The following ADAM12 variants were observed in gnomAD, a reference collection of about 807,000 sequenced individuals.
ADAM12 encodes the protein disintegrin and metalloproteinase domain-containing protein 12.
ADAM12 carries 70 observed loss-of-function variants against 106.4 expected under a neutral mutation model. The ratio of observed to expected loss-of-function variants is 0.66; its 90% CI spans 0.54 to 0.80. ADAM12 has a LOEUF of 0.80. ADAM12 is among the 30% of genes least tolerant of loss of function. The pLI, the probability that ADAM12 is intolerant of heterozygous loss-of-function variation, is 0.00. For missense variants in ADAM12, 1,010 were observed against 1,171.9 expected, an observed-to-expected ratio of 0.86 and a Z score of 2.02; for synonymous variants, 420 against 433.5, an observed-to-expected ratio of 0.97 and a Z score of 0.39.
chr10:126,275,261 T>C (rs1419316842), intron 3 of ADAM12, among the ~76,000 whole-genome samples: 6 of 152,156 alleles, frequency 3.9e-5, no homozygotes, highest in Non-Finnish European at 8.8e-5. Flanking sequence ...AGAATACCTA[T>C]GTAAGGGATG....
intron 19 of ADAM12, among the ~76,000 whole-genome samples, chr10:126,038,686 A>G (rs1326777719): frequency 6.6e-6 from 1 of 152,206 alleles, no homozygotes; most frequent in African/African-American, 2.4e-5. Context: ...AAAATATTTC[A>G]ATGTCTCCAT....
At chr10:126,310,827 T>A (rs373503434) in intron 2 of ADAM12, among the ~76,000 whole-genome samples, 1 of 152,146 alleles carries the variant, frequency 6.6e-6, no homozygotes, top group Non-Finnish European at 1.5e-5. Flanking sequence ...CATAGTCTCA[T>A]AGCTGTTTGG....
chr10:126,271,015 G>A (rs1213707835), intron 3 of ADAM12, among the ~76,000 whole-genome samples: 1 of 152,162 alleles, frequency 6.6e-6, no homozygotes, highest in Admixed American at 6.5e-5. Context: ...ACTGGTCAGC[G>A]GCAAACATCC....
intron 3 of ADAM12, among the ~76,000 whole-genome samples, chr10:126,255,502 C>T (rs1565171581): frequency 2.0e-5 from 3 of 152,150 alleles, no homozygotes; most frequent in Admixed American, 6.5e-5. Context: ...GCAGTTTAAA[C>T]ATTGATGATG....
At position 126,066,309 on chromosome 10, in the gene ADAM12, G is replaced by A. The variant is rs557071297; in HGVS notation, c.1413+408C>T. 6.6e-6 allele frequency among the ~76,000 whole-genome samples: 1 copy of A among 152,326 alleles called. No individual in the cohort carries two copies. Among genetic ancestry groups the A allele is most frequent in the African/African-American group, 2.4e-5 (1 of 41,566 alleles). On this transcript the variant is annotated intron_variant, in intron 13 of 22. Coordinates refer to ENST00000448723, the MANE Select transcript of ADAM12 (RefSeq NM_001288973.2). The surrounding 1 kb of genome is among the most constrained non-coding windows in gnomAD (Gnocchi z 5.1). ...TATACAAAACTTCTGGGACAAGCCA[G>A]CAGGCAGATGTCCGCGGGATCAAGA...
chr10:126,141,015 G>A (rs903263336), intron 4 of ADAM12, among the ~76,000 whole-genome samples: 4 of 152,220 alleles, frequency 2.6e-5, no homozygotes, highest in African/African-American at 9.6e-5. Flanking sequence ...CTGCCCAAGG[G>A]TGCACCTCTG....
chr10:126,094,645 G>A lies in ADAM12; in HGVS notation c.997-512C>T, dbSNP rs3781032. On this transcript the variant is annotated intron_variant, in intron 10 of 22. Transcript: ENST00000448723. ...CCTGCCTCTTCCTGTGTGCTTGGTC[G>A]GGGAGGACAGTTGGAAAATTCACAA... 1.6e-4 allele frequency among the ~76,000 whole-genome samples: 24 copies of A among 152,308 alleles called. No homozygotes were observed. In the East Asian group the frequency reaches 3.7e-3, roughly 23 times the overall value.
intron 4 of ADAM12, among the ~76,000 whole-genome samples, chr10:126,143,511 G>A (rs1956563595): frequency 6.6e-6 from 1 of 151,736 alleles, no homozygotes; most frequent in South Asian, 2.1e-4. Flanking sequence ...GTGGATGTGG[G>A]TGTGCATGTG....
intron 2 of ADAM12, among the ~76,000 whole-genome samples, chr10:126,290,477 C>T (rs578063180): frequency 6.6e-6 from 1 of 152,252 alleles, no homozygotes; most frequent in East Asian, 1.9e-4. Flanking sequence ...AGTATGATCG[C>T]TATGAGATTC....
chr10:126,198,529 G>A (rs1957640618), intron 3 of ADAM12, among the ~76,000 whole-genome samples: 1 of 152,210 alleles, frequency 6.6e-6, no homozygotes, highest in Non-Finnish European at 1.5e-5. Flanking sequence ...ACCAGGGCCA[G>A]TGTAGCCTTT....
intron 1 of ADAM12, among the ~76,000 whole-genome samples, chr10:126,360,064 T>A (rs1043085821): frequency 6.6e-5 from 10 of 152,162 alleles, no homozygotes; most frequent in African/African-American, 1.9e-4. Context: ...AAGCTGCACA[T>A]TGGCACCTTT....
intron 10 of ADAM12, 91 bp from the exon 11 acceptor site, chr10:126,094,224 T>C (rs1955515770): frequency 1.6e-5 from 21 of 1,287,950 alleles, no homozygotes; most frequent in Non-Finnish European, 2.1e-5. Context: ...ATACCTTTCA[T>C]TAACATTTGA....
chr10:126,199,070 TAGGAATA>T (rs1315869415), intron 3 of ADAM12, among the ~76,000 whole-genome samples: 5 of 152,068 alleles, frequency 3.3e-5, no homozygotes, highest in Non-Finnish European at 7.4e-5. Flanking sequence ...TTTGGGGCCC[TAGGAATA>T]AGGAATTTAA....
Position 126,014,454 on chromosome 10 carries a change from T to C in ADAM12, c.*2825A>G, listed in dbSNP as rs1012471620. On this transcript the variant is annotated 3_prime_UTR_variant, in exon 23 of 23. Coordinates refer to ENST00000448723, the MANE Select transcript of ADAM12 (RefSeq NM_001288973.2). ...CCCCCCCCGAGACTCGTCAGGAGTA[T>C]TGACTCTCCTACAGTTTAATTTGCT... 1 of 149,334 alleles carries C rather than the reference T, an allele frequency of 6.7e-6. No homozygotes were observed. Among genetic ancestry groups the C allele is most frequent in the Non-Finnish European group, 1.5e-5 (1 of 67,424 alleles). The allele number at this position is 149,334 out of a possible 1,614,324, so 9.3% of individuals were successfully genotyped here.
At chr10:126,034,710 A>C (rs1411862965) in intron 21 of ADAM12, among the ~76,000 whole-genome samples, 1 of 152,160 alleles carries the variant, frequency 6.6e-6, no homozygotes, top group African/African-American at 2.4e-5. Context: ...AGGATGGAAA[A>C]ATTCATACTT....
intron 2 of ADAM12, among the ~76,000 whole-genome samples, chr10:126,285,973 CTATTTTT>C (rs1256567746): frequency 4.5e-4 from 25 of 55,816 alleles, no homozygotes; most frequent in African/African-American, 1.7e-3. Flanking sequence ...ATTGATTTCC[CTATTTTT>C]TTTTTTTTTT....
At chr10:126,133,592 C>A (rs1448694719) in intron 5 of ADAM12, among the ~76,000 whole-genome samples, 1 of 152,120 alleles carries the variant, frequency 6.6e-6, no homozygotes, top group Non-Finnish European at 1.5e-5. Context: ...CTGGAGTGCC[C>A]CTGTAAAAAT....
intron 3 of ADAM12, among the ~76,000 whole-genome samples, chr10:126,217,652 C>T (rs1958011875): frequency 6.9e-6 from 1 of 145,978 alleles, no homozygotes; most frequent in Admixed American, 6.8e-5. Flanking sequence ...CAGGCGTGAG[C>T]CACTGCACAT....
chr10:126,019,561 A>T, intron 22 of ADAM12, 134 bp downstream of exon 22: 2 of 1,163,402 alleles, frequency 1.7e-6, no homozygotes, highest in Non-Finnish European at 2.4e-6. Context: ...TGTCTATTTT[A>T]CGGTATTCCC....
Sources: allele counts gnomAD v4.1 joint callset (sites outside exome capture counted in the v4.1 genomes callset), GRCh38; gene constraint gnomAD v4.1.1; non-coding constraint Gnocchi (gnomAD v3.1); transcripts MANE v1.5; gene names NCBI Gene and HGNC (gene_info 2026-07-23, HGNC 2026-07-21).